The following DPP6 variants were observed in gnomAD, a reference collection of about 807,000 sequenced individuals.
DPP6 encodes A-type potassium channel modulatory protein DPP6.
A neutral mutation model predicts 122.6 loss-of-function variants in DPP6; 69 were observed. That is an observed-to-expected ratio of 0.56 (90% confidence interval 0.46 to 0.69). The LOEUF (loss-of-function observed/expected upper bound fraction) is 0.69, where lower values mean the gene tolerates loss of function less well. DPP6 is among the 30% of genes least tolerant of loss of function. DPP6 has a pLI of 0.00. For synonymous variants in DPP6, 418 were observed against 433.1 expected (o/e 0.97, Z 0.43); for missense variants, 928 against 1,116.9 (o/e 0.83, Z 2.41).
the DPP6 span, among the ~76,000 whole-genome samples, chr7:153,855,693 C>A: frequency 1.3e-5 from 2 of 152,146 alleles, no homozygotes; most frequent in African/African-American, 2.4e-5. Context: ...GGGCACACCT[C>A]AACACTCAGC....
At chr7:154,881,692 G>C (rs900262250) in intron 21 of DPP6, among the ~76,000 whole-genome samples, 1 of 152,172 alleles carries the variant, frequency 6.6e-6, no homozygotes, top group Non-Finnish European at 1.5e-5. Flanking sequence ...TTACGTCATC[G>C]CCTCCAAAAC....
intron 7 of DPP6, among the ~76,000 whole-genome samples, chr7:154,726,990 C>T (rs1376015385): frequency 6.6e-6 from 1 of 152,212 alleles, no homozygotes; most frequent in Non-Finnish European, 1.5e-5. Flanking sequence ...AACTTTCCCT[C>T]ATCTCTCTGT....
chr7:154,016,287 T>C (rs1197000713), intron 1 of DPP6, among the ~76,000 whole-genome samples: 5 of 152,294 alleles, frequency 3.3e-5, no homozygotes, highest in African/African-American at 7.2e-5. Context: ...GTTTCCCCCT[T>C]AGAGAAGGAC....
chr7:154,599,100 T>G (rs1409347767), intron 5 of DPP6, among the ~76,000 whole-genome samples: 3 of 152,170 alleles, frequency 2.0e-5, no homozygotes, highest in Admixed American at 6.5e-5. Context: ...GTGCGTGGTG[T>G]GAGTTTTCTG....
At chr7:154,412,116 C>T (rs1262805884) in intron 1 of DPP6, among the ~76,000 whole-genome samples, 1 of 152,122 alleles carries the variant, frequency 6.6e-6, no homozygotes, top group African/African-American at 2.4e-5. Flanking sequence ...TCTGTGGGGT[C>T]TCTTTTATCA....
intron 1 of DPP6, among the ~76,000 whole-genome samples, chr7:154,029,924 G>A (rs143718047): frequency 6.6e-5 from 10 of 152,148 alleles, no homozygotes; most frequent in South Asian, 6.2e-4. Flanking sequence ...GGCCAGGCAC[G>A]GTGGCTCACG....
chr7:154,294,368 C>T (rs1805401654), intron 1 of DPP6, among the ~76,000 whole-genome samples: 1 of 152,122 alleles, frequency 6.6e-6, no homozygotes, highest in Non-Finnish European at 1.5e-5. Flanking sequence ...TTTTAGATTT[C>T]CATTGCTTAT....
intron 3 of DPP6, among the ~76,000 whole-genome samples, chr7:154,526,361 G>A (rs1359731446): frequency 6.6e-6 from 1 of 152,086 alleles, no homozygotes; most frequent in East Asian, 1.9e-4. Context: ...GATAGGCTGT[G>A]GTGTAAACTA....
intron 6 of DPP6, among the ~76,000 whole-genome samples, chr7:154,661,648 A>T (rs897578367): frequency 5.3e-5 from 8 of 149,940 alleles, no homozygotes; most frequent in African/African-American, 2.0e-4. Flanking sequence ...GTATTCATAT[A>T]GTCATGGTGA....
the DPP6 span, among the ~76,000 whole-genome samples, chr7:153,793,359 T>C: frequency 6.9e-6 from 1 of 143,964 alleles, no homozygotes; most frequent in Admixed American, 7.0e-5. Context: ...ACTCTTGTTG[T>C]GTTTTAGCAA....
chr7:154,395,626 T>C (rs10230844), intron 1 of DPP6, among the ~76,000 whole-genome samples: 1,723 of 152,332 alleles, frequency 0.011, 37 homozygotes, highest in African/African-American at 0.039. Context: ...ATGTACTGAT[T>C]AGTTTTAACA....
At chr7:154,076,112 T>C (rs1803529733) in intron 1 of DPP6, among the ~76,000 whole-genome samples, 1 of 151,914 alleles carries the variant, frequency 6.6e-6, no homozygotes, top group Admixed American at 6.6e-5. Context: ...AGTCAGAAGC[T>C]TCTTCCTATG....
At chr7:154,385,787 G>T (rs937084102) in intron 1 of DPP6, among the ~76,000 whole-genome samples, 6 of 152,134 alleles carry the variant, frequency 3.9e-5, no homozygotes, top group Non-Finnish European at 8.8e-5. Context: ...CACAGAGAAA[G>T]CAAGAAGGAT....
rs1554515567 is a variant in DPP6 at position 154,313,708 on chromosome 7, T to TGC, written c.244-132506_244-132505insGC. ...TGGTATATATATATATATATATATATATATATACACACACACGCACGCACA... is the reference window on the plus strand; with the variant it reads ...TGGTATATATATATATATATATATATGCATATATACACACACACGCACGCACA... On this transcript the variant is annotated intron_variant, in intron 1 of 25. Coordinates refer to ENST00000377770, the MANE Select transcript of DPP6 (RefSeq NM_130797.4). Among the ~76,000 whole-genome samples the TGC allele has an allele frequency of 5.9e-4, 10 of 16,904 alleles. 2 individuals carry two copies. Among genetic ancestry groups the TGC allele is most frequent in the East Asian group, 3.6e-3 (1 of 276 alleles). 11.1% of individuals were successfully genotyped at this position (16,904 alleles called of 152,430 possible). A position where few individuals can be genotyped will look rare whatever the true frequency, so the allele number is the denominator to read the frequency against.
intron 8 of DPP6, among the ~76,000 whole-genome samples, chr7:154,742,784 C>G (rs1842872084): frequency 6.6e-6 from 1 of 152,212 alleles, no homozygotes; most frequent in African/African-American, 2.4e-5. Flanking sequence ...GGCAGTCCCT[C>G]CAGTCAGGGA....
chr7:154,623,492 A>T (rs959974420), intron 5 of DPP6, among the ~76,000 whole-genome samples: 12 of 152,198 alleles, frequency 7.9e-5, no homozygotes, highest in Non-Finnish European at 1.3e-4. Context: ...ATAAAAATGT[A>T]TGTGTCACCT....
the DPP6 span, among the ~76,000 whole-genome samples, chr7:153,830,869 AC>A: frequency 1.3e-5 from 2 of 152,250 alleles, no homozygotes; most frequent in Non-Finnish European, 2.9e-5. Flanking sequence ...TGACTGCTTC[AC>A]TTCCAATGAA....
chr7:153,891,039 T>TTTG (rs1799175412), intron 1 of DPP6, among the ~76,000 whole-genome samples: 1 of 77,844 alleles, frequency 1.3e-5, no homozygotes, highest in Non-Finnish European at 2.7e-5. Flanking sequence ...TTTTTTTTTT[T>TTTG]GAGATGGAGT....
intron 1 of DPP6, among the ~76,000 whole-genome samples, chr7:154,320,412 C>T (rs1193807443): frequency 1.3e-5 from 2 of 152,134 alleles, no homozygotes; most frequent in South Asian, 2.1e-4. Context: ...GAATCATCTC[C>T]AGACAGTAGA....
Sources: allele counts gnomAD v4.1 joint callset (sites outside exome capture counted in the v4.1 genomes callset), GRCh38; gene constraint gnomAD v4.1.1; transcripts MANE v1.5; gene names NCBI Gene and HGNC (gene_info 2026-07-23, HGNC 2026-07-21).